GMEB1: variants seen among roughly 807,000 people sequenced by gnomAD.
GMEB1 encodes glucocorticoid modulatory element binding protein 1.
A neutral mutation model predicts 52.4 loss-of-function variants in GMEB1; 6 were observed. That is an observed-to-expected ratio of 0.11 (90% CI 0.06 to 0.23). The LOEUF is 0.23. GMEB1 is among the 10% of genes least tolerant of loss of function. GMEB1 has a pLI of 1.00. For synonymous variants in GMEB1, 255 were observed against 244.9 expected (o/e 1.04, Z -0.38); for missense variants, 486 against 685.6 (o/e 0.71, Z 3.25).
At chr1:28,671,431 T>C (rs1052772644) in intron 1 of GMEB1, among the ~76,000 whole-genome samples, 5 of 152,122 alleles carry the variant, frequency 3.3e-5, no homozygotes, top group African/African-American at 9.7e-5. Flanking sequence ...TTGTTAGTTT[T>C]CTGGCGGGCG....
At position 28,702,431 on chromosome 1, in the gene GMEB1, T is replaced by C; in HGVS notation, c.599-7T>C. On this transcript the variant is annotated splice_polypyrimidine_tract_variant and splice_region_variant and intron_variant, in intron 6 of 9. Coordinates refer to ENST00000373816, the MANE Select transcript of GMEB1 (RefSeq NM_001319674.2). ...CACTGTTCTCACCTCTACTGGACTG[T>C]TTTTAGGTAGCATCACGCAGATTGC... 1 of 1,612,364 alleles carries C rather than the reference T, an allele frequency of 6.2e-7. No homozygotes were observed. The highest frequency in any genetic ancestry group is 8.5e-7 in the Non-Finnish European group (1 of 1,178,768).
intron 1 of GMEB1, among the ~76,000 whole-genome samples, chr1:28,669,064 C>T (rs1412606875): frequency 1.4e-5 from 2 of 146,842 alleles, no homozygotes; most frequent in African/African-American, 4.9e-5. Flanking sequence ...GCCGCTGGGT[C>T]CGCCCGAGCC....
At chr1:28,675,530 A>C (rs1028243095) in intron 1 of GMEB1, among the ~76,000 whole-genome samples, 45 of 152,088 alleles carry the variant, frequency 3.0e-4, no homozygotes, top group African/African-American at 1.1e-3. Context: ...AAATAAAAAA[A>C]GCCGAGCATG....
chr1:28,677,111 C>T lies in GMEB1; in HGVS notation c.-30-6472C>T, dbSNP rs139488644. Among the ~76,000 whole-genome samples the T allele has an allele frequency of 1.1e-3, 168 of 152,028 alleles. 1 individual carries two copies. Among genetic ancestry groups the T allele is most frequent in the African/African-American group, 3.9e-3 (160 of 41,492 alleles). ...GTGTAAGATGTATGTGAAACATAAT[C>T]GAATTTTGAATTTTGTGTTTAGACT... On this transcript the variant is annotated intron_variant, in intron 1 of 9. Coordinates refer to ENST00000373816, the MANE Select transcript of GMEB1 (RefSeq NM_001319674.2).
At chr1:28,678,398 G>A (rs1030081624) in intron 1 of GMEB1, among the ~76,000 whole-genome samples, 5 of 151,864 alleles carry the variant, frequency 3.3e-5, no homozygotes, top group Admixed American at 6.6e-5. Context: ...TGCAAGCTCC[G>A]CCTCTGGGGT....
intron 1 of GMEB1, among the ~76,000 whole-genome samples, chr1:28,676,883 C>G (rs754638973): frequency 1.3e-5 from 2 of 152,034 alleles, no homozygotes; most frequent in East Asian, 1.9e-4. Flanking sequence ...GAAACCCTGA[C>G]TCTACTAAAA....
intron 1 of GMEB1, among the ~76,000 whole-genome samples, chr1:28,680,728 C>G (rs1257527725): frequency 1.3e-5 from 2 of 150,198 alleles, no homozygotes; most frequent in Non-Finnish European, 3.0e-5. Flanking sequence ...CAGCAAGACT[C>G]CATCTTTAAA....
At position 28,718,980 on chromosome 1, in the gene GMEB1, AG is replaced by A. The variant is rs1461085716; in HGVS notation, c.*4208del. 1.3e-5 allele frequency: 2 copies of A among 152,190 alleles called. No individual in the cohort carries two copies. The highest frequency in any genetic ancestry group is 4.8e-5 in the African/African-American group (2 of 41,450). The allele number at this position is 152,190 out of a possible 1,614,324, so 9.4% of individuals were successfully genotyped here. ...AAGTAATTGGGCTTATTTATTCTAGAGAAAAAGTCTTCAGTCTCTTGCTTCT... is the reference window on the plus strand; with the variant it reads ...AAGTAATTGGGCTTATTTATTCTAGAAAAAAGTCTTCAGTCTCTTGCTTCT... On this transcript the variant is annotated 3_prime_UTR_variant, in exon 10 of 10. Transcript: ENST00000373816.
rs538155277 is a variant in GMEB1 at position 28,718,010 on chromosome 1, C to T, written c.*3237C>T. On this transcript the variant is annotated 3_prime_UTR_variant, in exon 10 of 10. Transcript: ENST00000373816. ...GTTGTTTTCCTGGTCTTCCAATAGC[C>T]TGTCATTATTGTTAGATATTATGGC... 6.6e-6 allele frequency: 1 copy of T among 152,188 alleles called. No homozygotes were observed. Among genetic ancestry groups the T allele is most frequent in the African/African-American group, 2.4e-5 (1 of 41,556 alleles). 9.4% of individuals were successfully genotyped at this position (152,188 alleles called of 1,614,324 possible).
intron 2 of GMEB1, among the ~76,000 whole-genome samples, chr1:28,686,381 G>A (rs1226378490): frequency 2.0e-5 from 3 of 151,992 alleles, no homozygotes; most frequent in African/African-American, 7.2e-5. Flanking sequence ...GCTCACACCT[G>A]TAATCCCTAC....
chr1:28,679,992 G>C (rs1449611037), intron 1 of GMEB1, among the ~76,000 whole-genome samples: 1 of 152,038 alleles, frequency 6.6e-6, no homozygotes, highest in Admixed American at 6.6e-5. Context: ...ATTTTTAGTA[G>C]AGATGGGGTT....
At position 28,687,250 on chromosome 1, in the gene GMEB1, T is replaced by TAAGC. The variant is rs370832169; in HGVS notation, c.129-2854_129-2853insAAGC. On this transcript the variant is annotated intron_variant, in intron 2 of 9. Transcript: ENST00000373816. ...TACTCAAGAGGCTGAGGTGAAGGAT[T>TAAGC]GCTTGAGTCAGGGAGGTTAAGGCTG... Among the ~76,000 whole-genome samples, 546 of 150,934 alleles carry TAAGC rather than the reference T, an allele frequency of 3.6e-3. 7 individuals are homozygous for TAAGC. Among genetic ancestry groups the TAAGC allele is most frequent in the African/African-American group, 0.013 (522 of 41,014 alleles).
intron 2 of GMEB1, among the ~76,000 whole-genome samples, chr1:28,688,481 A>G (rs571816744): frequency 4.6e-5 from 7 of 152,312 alleles, no homozygotes; most frequent in African/African-American, 1.7e-4. Context: ...AATTAAATAA[A>G]GGATGTTGAT....
intron 1 of GMEB1, among the ~76,000 whole-genome samples, chr1:28,676,031 A>G (rs941314610): frequency 6.6e-6 from 1 of 152,202 alleles, no homozygotes; most frequent in African/African-American, 2.4e-5. Context: ...GTGGATGATT[A>G]TAATTATCCT....
In GMEB1 at chr1:28,719,340, A is replaced by G. The variant is rs1254632605; in HGVS notation, c.*4567A>G. The G allele has an allele frequency of 6.6e-6, 1 of 152,194 alleles. No homozygotes were observed. The highest frequency in any genetic ancestry group is 2.4e-5 in the African/African-American group (1 of 41,436). 9.4% of individuals were successfully genotyped at this position (152,194 alleles called of 1,614,324 possible). On this transcript the variant is annotated 3_prime_UTR_variant, in exon 10 of 10. Coordinates refer to ENST00000373816, the MANE Select transcript of GMEB1 (RefSeq NM_001319674.2). ...TAAAAAATGGACAATAAACATGAAT[A>G]TTCAAGATTCAAAGCCACTTCATAT...
chr1:28,687,375 C>CAAAAAAAAAAAAAAAA (rs1442461404), intron 2 of GMEB1, among the ~76,000 whole-genome samples: 2 of 19,196 alleles, frequency 1.0e-4, no homozygotes, highest in African/African-American at 4.4e-4. Flanking sequence ...CACACACACA[C>CAAAAAAAAAAAAAAAA]ACACACACAC....
chr1:28,695,101 A>G (rs1233998738), intron 5 of GMEB1, among the ~76,000 whole-genome samples: 1 of 150,102 alleles, frequency 6.7e-6, no homozygotes, highest in African/African-American at 2.5e-5. Context: ...ATTAGCTGAG[A>G]TTACAGGTGC....
At chr1:28,674,921 T>G (rs997371216) in intron 1 of GMEB1, among the ~76,000 whole-genome samples, 55 of 144,020 alleles carry the variant, frequency 3.8e-4, no homozygotes, top group Non-Finnish European at 7.8e-4. Flanking sequence ...GGTTTCACCG[T>G]TTTTAGCCGG....
chr1:28,707,986 C>T (rs993779798), intron 8 of GMEB1, among the ~76,000 whole-genome samples: 22 of 151,982 alleles, frequency 1.4e-4, no homozygotes, highest in African/African-American at 5.3e-4. Context: ...GCAGCCTCAA[C>T]CACCTGGGCT....
Sources: gnomAD v4.1 joint callset for allele counts (sites outside exome capture counted in the v4.1 genomes callset) on GRCh38, gnomAD v4.1.1 for gene constraint, MANE v1.5 for transcripts, NCBI Gene and HGNC (gene_info 2026-07-23, HGNC 2026-07-21) for gene names.